ROR1: variants seen among roughly 807,000 people sequenced by gnomAD.
The protein encoded by ROR1 is inactive tyrosine-protein kinase transmembrane receptor ROR1.
A neutral mutation model predicts 78.8 loss-of-function variants in ROR1; 19 were observed. That is an observed-to-expected ratio of 0.24 (90% CI 0.17 to 0.35). The LOEUF is 0.35. ROR1 is among the 10% of genes least tolerant of loss of function. ROR1 has a pLI of 1.00. For missense variants in ROR1, 917 were observed against 1,177.8 expected, an observed-to-expected ratio of 0.78 and a Z score of 3.24; for synonymous variants, 386 against 433.6, an observed-to-expected ratio of 0.89 and a Z score of 1.36.
At chr1:63,997,324 A>T (rs1042015933) in intron 1 of ROR1, among the ~76,000 whole-genome samples, 3 of 152,210 alleles carry the variant, frequency 2.0e-5, no homozygotes, top group African/African-American at 7.2e-5. Context: ...GCAGGAAAAT[A>T]ATTTTCTATG....
chr1:64,176,273 C>T (rs1650377873), intron 8 of ROR1, among the ~76,000 whole-genome samples: 1 of 152,072 alleles, frequency 6.6e-6, no homozygotes, highest in African/African-American at 2.4e-5. Context: ...CTTGAAATCT[C>T]GTTGTGAGGA....
At chr1:63,805,315 G>GC (rs1644822221) in intron 1 of ROR1, among the ~76,000 whole-genome samples, 1 of 152,192 alleles carries the variant, frequency 6.6e-6, no homozygotes, top group African/African-American at 2.4e-5. Context: ...GATCAGGTCA[G>GC]CCACTGGCTC....
In ROR1 at chr1:64,011,650, A is replaced by C. The variant is rs568408557; in HGVS notation, c.163+2274A>C. On this transcript the variant is annotated intron_variant, in intron 2 of 8. Transcript: ENST00000371079. Reference sequence around the variant, plus strand: ...GCTGGCTGAAGGGAAGGATAAAGGCAGGCCCCAGACTCCTTTATTTGTTCA... The same window carrying C: ...GCTGGCTGAAGGGAAGGATAAAGGCCGGCCCCAGACTCCTTTATTTGTTCA... 2.6e-5 allele frequency among the ~76,000 whole-genome samples: 4 copies of C among 152,318 alleles called. No individual in the cohort carries two copies. In the South Asian group the frequency reaches 8.3e-4, roughly 32 times the overall value.
At chr1:64,109,395 A>G (rs1328149971) in intron 4 of ROR1, among the ~76,000 whole-genome samples, 1 of 152,182 alleles carries the variant, frequency 6.6e-6, no homozygotes, top group Non-Finnish European at 1.5e-5. Context: ...TAACTTCTCC[A>G]GGGTATTTTC....
intron 1 of ROR1, among the ~76,000 whole-genome samples, chr1:63,782,244 A>G (rs1299985224): frequency 6.6e-6 from 1 of 152,232 alleles, no homozygotes; most frequent in Non-Finnish European, 1.5e-5. Context: ...TCATATGACT[A>G]GACAACATTT....
chr1:63,826,434 T>A (rs571232269), intron 1 of ROR1, among the ~76,000 whole-genome samples: 15 of 152,228 alleles, frequency 9.9e-5, no homozygotes, highest in South Asian at 2.1e-4. Context: ...CATTCTTTTT[T>A]AGGGCTGCAT....
intron 2 of ROR1, among the ~76,000 whole-genome samples, chr1:64,021,336 C>A (rs917396470): frequency 7.2e-5 from 11 of 152,204 alleles, no homozygotes; most frequent in African/African-American, 2.7e-4. Flanking sequence ...TCAATAGTTA[C>A]ATTCACTTAT....
chr1:63,862,859 AAAG>A (rs1645190655), intron 1 of ROR1, among the ~76,000 whole-genome samples: 1 of 152,238 alleles, frequency 6.6e-6, no homozygotes, highest in Non-Finnish European at 1.5e-5. Context: ...GATAATGTAC[AAAG>A]AAGACTTTTA....
intron 1 of ROR1, among the ~76,000 whole-genome samples, chr1:63,987,319 C>T (rs116795356): frequency 0.014 from 2,189 of 152,278 alleles, 44 homozygotes; most frequent in African/African-American, 0.048. Flanking sequence ...CATGTGAAAT[C>T]TTCATGCCTG....
chr1:63,813,071 A>T (rs1363752577), intron 1 of ROR1, among the ~76,000 whole-genome samples: 1 of 152,242 alleles, frequency 6.6e-6, no homozygotes, highest in Non-Finnish European at 1.5e-5. Context: ...TGGCAAAAAA[A>T]AAAAAAGTTG....
In ROR1 at chr1:64,078,122, T is replaced by C. The variant is rs142701430; in HGVS notation, c.482+27406T>C. The stretch of plus-strand genomic sequence containing the variant: ...AACCATTGCTACAGTTGATCAAGCA[T>C]TTGCTGTGTGCCACTCACTGTGCTA... On this transcript the variant is annotated intron_variant, in intron 4 of 8. Coordinates refer to ENST00000371079, the MANE Select transcript of ROR1 (RefSeq NM_005012.4). Among the ~76,000 whole-genome samples the C allele has an allele frequency of 3.8e-3, 580 of 152,350 alleles. 6 individuals are homozygous for C. Among genetic ancestry groups the C allele is most frequent in the African/African-American group, 0.013 (539 of 41,592 alleles).
chr1:63,816,920 T>G (rs1644895474), intron 1 of ROR1, among the ~76,000 whole-genome samples: 1 of 152,200 alleles, frequency 6.6e-6, no homozygotes, highest in Admixed American at 6.5e-5. Flanking sequence ...GCTCTCTTTA[T>G]TGAGTGCTTA....
At chr1:63,786,048 G>T (rs556073113) in intron 1 of ROR1, among the ~76,000 whole-genome samples, 7 of 151,808 alleles carry the variant, frequency 4.6e-5, no homozygotes, top group East Asian at 2.0e-4. Flanking sequence ...ACTGAGGAAG[G>T]GGGGAGCTGA....
intron 5 of ROR1, among the ~76,000 whole-genome samples, chr1:64,139,810 T>C (rs779058539): frequency 3.3e-5 from 5 of 152,198 alleles, no homozygotes; most frequent in Non-Finnish European, 7.3e-5. Context: ...CAAAGTTCGA[T>C]TGCTTTGTAG....
intron 1 of ROR1, among the ~76,000 whole-genome samples, chr1:63,949,468 T>C (rs1319265571): frequency 6.6e-6 from 1 of 152,164 alleles, no homozygotes; most frequent in African/African-American, 2.4e-5. Flanking sequence ...CCTGAACTTA[T>C]TTCATTCTGT....
At chr1:64,062,206 G>T (rs1442530151) in intron 4 of ROR1, among the ~76,000 whole-genome samples, 4 of 152,214 alleles carry the variant, frequency 2.6e-5, no homozygotes, top group African/African-American at 9.6e-5. Flanking sequence ...TTGGGTGACT[G>T]CCTGTGTTTT....
intron 1 of ROR1, among the ~76,000 whole-genome samples, chr1:63,917,448 A>G (rs1481700984): frequency 2.0e-5 from 3 of 152,318 alleles, no homozygotes; most frequent in Admixed American, 1.3e-4. Flanking sequence ...ATTCTATAAA[A>G]TAATATGATT....
rs75654904 is a variant in ROR1 at position 64,064,206 on chromosome 1, G to T, written c.482+13490G>T. Among the ~76,000 whole-genome samples, 676 of 152,310 alleles carry T rather than the reference G, an allele frequency of 4.4e-3. 18 individuals carry two copies. The East Asian group carries it at 0.077, about 17-fold the overall frequency. On this transcript the variant is annotated intron_variant, in intron 4 of 8. Transcript: ENST00000371079. ...CAGACAGAAGCCCCAGCTACACTTA[G>T]GTTGGAGGGAAAAATAGAAGGGGTA...
chr1:64,177,403 C>G (rs372007035), intron 8 of ROR1, 25 bp from the exon 9 acceptor site: 1 of 1,561,522 alleles, frequency 6.4e-7, no homozygotes. Context: ...TGTTTTAAAC[C>G]ACGTTTTTCC....
Sources: gnomAD v4.1 joint callset for allele counts (sites outside exome capture counted in the v4.1 genomes callset) on GRCh38, gnomAD v4.1.1 for gene constraint, MANE v1.5 for transcripts, NCBI Gene and HGNC (gene_info 2026-07-23, HGNC 2026-07-21) for gene names.